The following PKN2 variants were observed in gnomAD, a reference collection of about 807,000 sequenced individuals.
PKN2 encodes protein kinase N2, also known as serine/threonine-protein kinase N2.
A neutral mutation model predicts 119.1 loss-of-function variants in PKN2; 38 were observed. The observed-to-expected ratio is 0.32, with a 90% CI of 0.25 to 0.42. The LOEUF is 0.42. Among genes scored for constraint, PKN2 ranks in the 10% least tolerant of loss-of-function variants. The pLI is 1.00. For missense variants in PKN2, 850 were observed against 1,165.1 expected, an observed-to-expected ratio of 0.73 and a Z score of 3.94; for synonymous variants, 390 against 384.9, an observed-to-expected ratio of 1.01 and a Z score of -0.15.
chr1:88,805,721 T>G, intron 11 of PKN2, 50 bp downstream of exon 11: 1 of 1,604,344 alleles, frequency 6.2e-7, no homozygotes, highest in Non-Finnish European at 8.5e-7. Context: ...ATTGGGACAT[T>G]CTTACGTACT....
At chr1:88,807,482 G>GT (rs1557625697) in intron 13 of PKN2, 39 bp downstream of exon 13, 1 of 1,604,874 alleles carries the variant, frequency 6.2e-7, no homozygotes, top group Non-Finnish European at 8.5e-7. Context: ...TACATGTTTG[G>GT]TACCATACTT....
At chr1:88,791,239 C>A (rs1670823666) in intron 8 of PKN2, among the ~76,000 whole-genome samples, 1 of 151,968 alleles carries the variant, frequency 6.6e-6, no homozygotes, top group South Asian at 2.1e-4. Context: ...TGTTTGAGAC[C>A]AGCCTGACCA....
intron 1 of PKN2, among the ~76,000 whole-genome samples, chr1:88,700,618 C>T (rs1324403660): frequency 3.3e-5 from 5 of 152,194 alleles, no homozygotes; most frequent in African/African-American, 9.7e-5. Flanking sequence ...TGTCCAATCA[C>T]GTTACGGCTG....
intron 1 of PKN2, among the ~76,000 whole-genome samples, chr1:88,702,988 A>G (rs1418183645): frequency 2.0e-5 from 3 of 152,144 alleles, no homozygotes; most frequent in Admixed American, 1.3e-4. Flanking sequence ...TCCCTGTTAA[A>G]GTGTCTGCTT....
At chr1:88,731,756 TG>T (rs2100727681) in intron 1 of PKN2, among the ~76,000 whole-genome samples, 1 of 152,346 alleles carries the variant, frequency 6.6e-6, no homozygotes, top group African/African-American at 2.4e-5. Flanking sequence ...TTCACTACTC[TG>T]GGAACTGGGC....
At position 88,824,334 on chromosome 1, in the gene PKN2, G is replaced by A. The variant is rs771912894; in HGVS notation, c.2367G>A (p.Leu789=). ...VYRDLKLDNL[L]LDTEGFVKIA... ...GAGATTTGAAATTGGATAACTTATTGCTAGATACAGAGGGCTTTGTGAAAA... is the reference window on the plus strand; with the variant it reads ...GAGATTTGAAATTGGATAACTTATTACTAGATACAGAGGGCTTTGTGAAAA... The change falls in exon 18 of 22, where the codon TTG becomes TTA. Residue 789 remains leucine, a synonymous_variant. Coordinates refer to ENST00000370521, the MANE Select transcript of PKN2 (RefSeq NM_006256.4). 48 of 1,589,654 alleles carry A rather than the reference G, an allele frequency of 3.0e-5. No individual in the cohort carries two copies. The highest frequency in any genetic ancestry group is 4.1e-5 in the Non-Finnish European group (47 of 1,160,400).
intron 1 of PKN2, among the ~76,000 whole-genome samples, chr1:88,694,555 T>G (rs1258436177): frequency 1.3e-5 from 2 of 152,222 alleles, no homozygotes; most frequent in African/African-American, 2.4e-5. Context: ...TTTTGGCAGT[T>G]ATGAATAAAA....
chr1:88,822,067 T>C, intron 17 of PKN2, 64 bp downstream of exon 17: 1 of 1,337,772 alleles, frequency 7.5e-7, no homozygotes, highest in South Asian at 1.6e-5. Context: ...AAAGATAGTA[T>C]TTTGTTTTTC....
rs140556321 is a variant in PKN2, at chr1:88,705,277, A to G, written c.48+20649A>G. On this transcript the variant is annotated intron_variant, in intron 1 of 21. Coordinates refer to ENST00000370521, the MANE Select transcript of PKN2 (RefSeq NM_006256.4). ...TTCTCCTGTTTTCTTCTAGAATTTT[A>G]GTTTTAGGTTTTACATTTAGTTTTA... Among the ~76,000 whole-genome samples, 1,403 of 151,820 alleles carry G rather than the reference A, an allele frequency of 9.2e-3. 26 individuals are homozygous for G. Among genetic ancestry groups the G allele is most frequent in the African/African-American group, 0.032 (1,333 of 41,386 alleles).
chr1:88,792,515 G>A (rs1484720059), intron 8 of PKN2, among the ~76,000 whole-genome samples: 2 of 152,126 alleles, frequency 1.3e-5, no homozygotes, highest in African/African-American at 2.4e-5. Context: ...CAGGGGCTAG[G>A]GAGCACAAGC....
chr1:88,719,179 A>G (rs1045384318), intron 1 of PKN2, among the ~76,000 whole-genome samples: 1 of 152,200 alleles, frequency 6.6e-6, no homozygotes, highest in Non-Finnish European at 1.5e-5. Context: ...CCAGTGGAAT[A>G]TTTTATTGCT....
chr1:88,734,159 TA>T (rs79679723), intron 1 of PKN2, among the ~76,000 whole-genome samples: 4,444 of 140,298 alleles, frequency 0.032, 90 homozygotes, highest in African/African-American at 0.07. Context: ...ACCCTATCTT[TA>T]AAAAAAAAAA....
intron 6 of PKN2, among the ~76,000 whole-genome samples, chr1:88,783,093 TAAC>T (rs1670419061): frequency 6.6e-6 from 1 of 152,248 alleles, no homozygotes; most frequent in Non-Finnish European, 1.5e-5. Flanking sequence ...TGGCTGGTGG[TAAC>T]AAACACTATT....
chr1:88,822,135 C>T, intron 17 of PKN2, 132 bp downstream of exon 17: 1 of 796,784 alleles, frequency 1.3e-6, no homozygotes, highest in East Asian at 3.3e-5. Context: ...TAAGTCAAAC[C>T]CCAATGTTGA....
In PKN2 at chr1:88,789,588, C is replaced by T. The variant is rs140455331; in HGVS notation, c.1281+3375C>T. On this transcript the variant is annotated intron_variant, in intron 8 of 21. Coordinates refer to ENST00000370521, the MANE Select transcript of PKN2 (RefSeq NM_006256.4). ...TGAGGCTGAGACTCTGCTTAAACCCCGGAGGCAGAGGTTGCAGTGAGCTGA... is the reference window on the plus strand; with the variant it reads ...TGAGGCTGAGACTCTGCTTAAACCCTGGAGGCAGAGGTTGCAGTGAGCTGA... Among the ~76,000 whole-genome samples the T allele has an allele frequency of 6.5e-4, 99 of 151,886 alleles. 1 individual carries two copies. The East Asian group carries it at 0.016, about 24-fold the overall frequency.
chr1:88,810,974 T>C (rs1308498614), intron 15 of PKN2, among the ~76,000 whole-genome samples: 1 of 152,234 alleles, frequency 6.6e-6, no homozygotes, highest in African/African-American at 2.4e-5. Flanking sequence ...ATTATATTAT[T>C]TTACTTTGAA....
At chr1:88,705,368 T>C (rs2100673502) in intron 1 of PKN2, among the ~76,000 whole-genome samples, 1 of 152,244 alleles carries the variant, frequency 6.6e-6, no homozygotes, top group South Asian at 2.1e-4. Context: ...ATTTTTCATA[T>C]GGACATATTT....
rs1665974139 is a variant in PKN2 at position 88,684,329 on chromosome 1, G to A, written c.-252G>A. ...GGCGGCTCCTGGCGTCGCCCAGAGGGAGCGACTAGACGAACAGTCCGGTGA... is the reference window on the plus strand; with the variant it reads ...GGCGGCTCCTGGCGTCGCCCAGAGGAAGCGACTAGACGAACAGTCCGGTGA... On this transcript the variant is annotated 5_prime_UTR_variant, in exon 1 of 22. Coordinates refer to ENST00000370521, the MANE Select transcript of PKN2 (RefSeq NM_006256.4). 2.4e-6 allele frequency: 1 copy of A among 421,112 alleles called. No homozygotes were observed. The highest frequency in any genetic ancestry group is 4.2e-6 in the Non-Finnish European group (1 of 236,522). 26.1% of individuals were successfully genotyped at this position (421,112 alleles called of 1,614,324 possible).
intron 6 of PKN2, 129 bp from the exon 7 acceptor site, chr1:88,784,510 G>T: frequency 2.2e-6 from 1 of 453,428 alleles, no homozygotes; most frequent in Non-Finnish European, 3.8e-6. Flanking sequence ...CTACCTCATA[G>T]ATCCTCTGGG....
Sources: allele counts gnomAD v4.1 joint callset (sites outside exome capture counted in the v4.1 genomes callset), GRCh38; gene constraint gnomAD v4.1.1; transcripts MANE v1.5; gene names NCBI Gene and HGNC (gene_info 2026-07-23, HGNC 2026-07-21).